The following TEX26 variants were observed in gnomAD, a reference collection of about 807,000 sequenced individuals.
TEX26 encodes testis expressed 26, also known as testis-expressed protein 26.
A neutral mutation model predicts 35.3 loss-of-function variants in TEX26; 34 were observed. The observed-to-expected ratio is 0.96, with a 90% CI of 0.73 to 1.28. TEX26 has a LOEUF of 1.28. Among genes scored for constraint, TEX26 ranks in the 50% most tolerant of loss-of-function variants. TEX26 has a pLI of 0.00. For missense variants in TEX26, 371 were observed against 330.1 expected (o/e 1.12, Z -0.96); for synonymous variants, 136 against 111.8 (o/e 1.22, Z -1.36).
chr13:30,948,614 G>A (rs1002701601), intron 2 of TEX26, among the ~76,000 whole-genome samples: 2 of 151,846 alleles, frequency 1.3e-5, no homozygotes, highest in Non-Finnish European at 2.9e-5. Flanking sequence ...AAATTTGTTT[G>A]AGTTCATTGT....
Position 30,951,355 on chromosome 13 carries a change from C to CA in TEX26, c.147-1289dup, listed in dbSNP as rs5802589. On this transcript the variant is annotated intron_variant, in intron 2 of 6. Coordinates refer to ENST00000380473, the MANE Select transcript of TEX26 (RefSeq NM_152325.3). ...TAGGCAACAGAGCAAGACTCTGTCT[C>CA]AAAAAAAAAAAAAAAAGCTATTTGT... 3.4e-3 allele frequency among the ~76,000 whole-genome samples: 449 copies of CA among 130,894 alleles called. 1 individual carries two copies. Among genetic ancestry groups the CA allele is most frequent in the Non-Finnish European group, 4.0e-3 (244 of 61,394 alleles). The allele number at this position is 130,894 out of a possible 152,430, so 85.9% of individuals were successfully genotyped here. A position where few individuals can be genotyped will look rare whatever the true frequency, so the allele number is the denominator to read the frequency against.
intron 3 of TEX26, among the ~76,000 whole-genome samples, chr13:30,953,752 C>T (rs1196065203): frequency 1.3e-5 from 2 of 152,256 alleles, no homozygotes; most frequent in East Asian, 3.9e-4. Flanking sequence ...GCTGATTCTC[C>T]GTGTGTGTTT....
At chr13:30,943,027 A>G (rs574698604) in intron 2 of TEX26, among the ~76,000 whole-genome samples, 1 of 152,180 alleles carries the variant, frequency 6.6e-6, no homozygotes, top group African/African-American at 2.4e-5. Flanking sequence ...TCTGTGAAAA[A>G]TGATGTTGGT....
chr13:30,962,757 C>T (rs576905335), intron 4 of TEX26, among the ~76,000 whole-genome samples: 19 of 152,292 alleles, frequency 1.2e-4, no homozygotes, highest in South Asian at 1.2e-3. Context: ...TGATAGACAG[C>T]GGAGCTAGTT....
rs376898875 is a variant in TEX26, at chr13:30,960,154, G to A, written c.469+3125G>A. Among the ~76,000 whole-genome samples the A allele has an allele frequency of 4.6e-5, 7 of 152,258 alleles. No individual in the cohort carries two copies. In the South Asian group the frequency reaches 8.3e-4, roughly 18 times the overall value. ...TAGGAAGCTACTGGATAGTTGGATC[G>A]AGCCTTAAATTATCTTACCTTTTCT... On this transcript the variant is annotated intron_variant, in intron 4 of 6. Transcript: ENST00000380473.
intron 6 of TEX26, among the ~76,000 whole-genome samples, chr13:30,974,131 A>AAAAATAT: frequency 0.024 from 2,051 of 84,278 alleles, 48 homozygotes; most frequent in Admixed American, 0.043. Context: ...AAAAAAAAAA[A>AAAAATAT]ATATATATAT....
At chr13:30,950,592 T>TGAAC (rs1247717689) in intron 2 of TEX26, among the ~76,000 whole-genome samples, 1 of 152,108 alleles carries the variant, frequency 6.6e-6, no homozygotes, top group Non-Finnish European at 1.5e-5. Flanking sequence ...TAAAAAGAGG[T>TGAAC]GAACATTTTG....
chr13:30,940,881 T>C (rs144064528), intron 2 of TEX26, among the ~76,000 whole-genome samples: 3 of 151,750 alleles, frequency 2.0e-5, no homozygotes, highest in Non-Finnish European at 4.4e-5. Flanking sequence ...GAGGTTGCAG[T>C]GAGCCGAGAT....
intron 5 of TEX26, among the ~76,000 whole-genome samples, chr13:30,967,780 G>C (rs992317606): frequency 6.6e-6 from 1 of 152,174 alleles, no homozygotes; most frequent in African/African-American, 2.4e-5. Flanking sequence ...TGGAATATTA[G>C]AACTCACATT....
Position 30,965,996 on chromosome 13 carries a change from T to A in TEX26, c.470-226T>A, listed in dbSNP as rs528073203. 5.3e-5 allele frequency among the ~76,000 whole-genome samples: 8 copies of A among 152,320 alleles called. No individual in the cohort carries two copies. In the South Asian group the frequency reaches 1.4e-3, roughly 28 times the overall value. On this transcript the variant is annotated intron_variant, in intron 4 of 6. Coordinates refer to ENST00000380473, the MANE Select transcript of TEX26 (RefSeq NM_152325.3). Reference sequence around the variant, plus strand: ...GACAGACCCAGTGGAGTGATCAGTGTCTTCTGTGCCCACTGAGCAGACTCA... The same window carrying A: ...GACAGACCCAGTGGAGTGATCAGTGACTTCTGTGCCCACTGAGCAGACTCA...
rs768524001 is a variant in TEX26, at chr13:30,952,843, T to C, written c.312+18T>C. 7.5e-6 allele frequency: 12 copies of C among 1,605,878 alleles called. No individual in the cohort carries two copies. Among genetic ancestry groups the C allele is most frequent in the East Asian group, 2.2e-5 (1 of 44,684 alleles). On this transcript the variant is annotated intron_variant, in intron 3 of 6. Transcript: ENST00000380473. Reference sequence around the variant, plus strand: ...TCAATGAAGTAAGATAATATCTACATATGTGTTGAATTTAATACTGTACTG... The same window carrying C: ...TCAATGAAGTAAGATAATATCTACACATGTGTTGAATTTAATACTGTACTG...
At chr13:30,963,420 G>A (rs1024668081) in intron 4 of TEX26, among the ~76,000 whole-genome samples, 95 of 152,318 alleles carry the variant, frequency 6.2e-4, no homozygotes, top group African/African-American at 2.1e-3. Context: ...TCAGGAACCT[G>A]TCTTCCAAAT....
chr13:30,940,426 T>C (rs1953445545), intron 2 of TEX26, among the ~76,000 whole-genome samples: 1 of 136,092 alleles, frequency 7.3e-6, no homozygotes, highest in Admixed American at 8.4e-5. Flanking sequence ...CTCCGCCCCC[T>C]GGGTTCACGC....
intron 3 of TEX26, among the ~76,000 whole-genome samples, chr13:30,953,388 G>A (rs1257139324): frequency 6.6e-6 from 1 of 152,180 alleles, no homozygotes; most frequent in African/African-American, 2.4e-5. Context: ...CTATTATGAA[G>A]ACTACCCATG....
chr13:30,971,719 C>T (rs1222854631), intron 6 of TEX26, among the ~76,000 whole-genome samples: 4 of 152,184 alleles, frequency 2.6e-5, no homozygotes, highest in Non-Finnish European at 5.9e-5. Flanking sequence ...GACTATTCTA[C>T]TTTCAAATTG....
chr13:30,969,430 G>A (rs945685373), intron 6 of TEX26, among the ~76,000 whole-genome samples: 1 of 152,038 alleles, frequency 6.6e-6, no homozygotes, highest in African/African-American at 2.4e-5. Context: ...CTGTTTGCTG[G>A]TACATTTTTG....
Position 30,968,943 on chromosome 13 carries a change from A to G in TEX26, c.705A>G (p.Thr235=). The G allele has an allele frequency of 6.2e-7, 1 of 1,614,150 alleles. No individual in the cohort carries two copies. The highest frequency in any genetic ancestry group is 8.5e-7 in the Non-Finnish European group (1 of 1,179,986). Residue 235 remains threonine, a synonymous_variant, in exon 6 of 7, where the codon ACA becomes ACG. Transcript: ENST00000380473. ...RNQEHTKKQT[T]YQSDYDKTYP... is the part of the protein sequence containing the mutation. ...AAGAGCACACAAAGAAACAGACCACATACCAAAGTGACTACGACAAAACCT... is the reference window on the plus strand; with the variant it reads ...AAGAGCACACAAAGAAACAGACCACGTACCAAAGTGACTACGACAAAACCT...
chr13:30,940,838 A>G (rs61947599), intron 2 of TEX26, among the ~76,000 whole-genome samples: 57,371 of 151,722 alleles, frequency 0.38, 11,021 homozygotes, highest in East Asian at 0.45. Context: ...CTCGGGAGGC[A>G]GAGGCACGAG....
chr13:30,956,824 T>C (rs973506842), intron 3 of TEX26, 49 bp from the exon 4 acceptor site: 2 of 1,519,072 alleles, frequency 1.3e-6, no homozygotes, highest in African/African-American at 1.4e-5. Context: ...ATTGATCCTA[T>C]TGGGTGAACC....
Sources: allele counts gnomAD v4.1 joint callset (sites outside exome capture counted in the v4.1 genomes callset), GRCh38; gene constraint gnomAD v4.1.1; transcripts MANE v1.5; gene names NCBI Gene and HGNC (gene_info 2026-07-23, HGNC 2026-07-21).